Variants in PRPF8 observed in about 807,000 individuals in gnomAD.
PRPF8 encodes pre-mRNA processing factor 8.
Under a neutral mutation model 285.9 loss-of-function variants are expected in PRPF8, and 64 were observed. That is an observed-to-expected ratio of 0.22 (90% CI 0.18 to 0.28). PRPF8 has a LOEUF of 0.28. PRPF8 is among the 10% of genes least tolerant of loss of function. The pLI, the probability that PRPF8 is intolerant of heterozygous loss-of-function variation, is 1.00. For missense variants in PRPF8, 1,426 were observed against 3,026.7 expected, an observed-to-expected ratio of 0.47 and a Z score of 12.41; for synonymous variants, 1,325 against 1,118.2, an observed-to-expected ratio of 1.18 and a Z score of -3.69.
Position 1,651,939 on chromosome 17 carries a change from G to A in PRPF8, c.6370-151C>T, listed in dbSNP as rs557311993. 11 of 1,019,880 alleles carry A rather than the reference G, an allele frequency of 1.1e-5. No individual in the cohort carries two copies. The Admixed American group carries it at 1.1e-4, about 11-fold the overall frequency. 63.2% of individuals were successfully genotyped at this position (1,019,880 alleles called of 1,614,324 possible). ...CCCCTGTATCAGAATCAGCTGGGGT[G>A]CTTGTTCAAAATGTTAGACATGGAC... On this transcript the variant is annotated intron_variant, in intron 39 of 42. Transcript: ENST00000304992. This position sits in a 1 kb window ranked among gnomAD's most constrained non-coding sequence, Gnocchi z 5.1.
At position 1,676,560 on chromosome 17, in the gene PRPF8, C is replaced by T. The variant is rs1306386168; in HGVS notation, c.2333G>A (p.Arg778His). The T allele has an allele frequency of 6.2e-7, 1 of 1,614,018 alleles. No individual in the cohort carries two copies. Among genetic ancestry groups the T allele is most frequent in the Non-Finnish European group, 8.5e-7 (1 of 1,180,036 alleles). ...TGCCTTCAGATAGAGCCGGGTGAGG[C>T]GGCCCAGATTCTTTTTACAAACAGT... Reference protein sequence around the residue: ...DKTVCKKNLGRLTRLYLKAEQ... With the variant: ...DKTVCKKNLGHLTRLYLKAEQ... The change falls in exon 16 of 43, where the codon CGC becomes CAC. Residue 778 changes from arginine to histidine, a missense_variant. Arg to His is a conservative substitution (Grantham distance 29). Around this residue, in one of 34 missense-constraint regions of PRPF8, gnomAD observed 70 missense variants for 273.7 expected, o/e 0.26. Coordinates refer to ENST00000304992, the MANE Select transcript of PRPF8 (RefSeq NM_006445.4). This position sits in a 1 kb window ranked among gnomAD's most constrained non-coding sequence, Gnocchi z 6.3.
chr17:1,684,524 GCCAGGCA>G lies in PRPF8; in HGVS notation c.41_47del (p.Val14AlafsTer3). 4 of 1,612,604 alleles carry G rather than the reference GCCAGGCA, an allele frequency of 2.5e-6. No individual in the cohort carries two copies. On this transcript the variant is annotated frameshift_variant, in exon 2 of 43. Transcript: ENST00000304992. LOFTEE classifies it high-confidence loss of function. Reference sequence around the variant, plus strand: ...TGTAGTCCGGTAGCGGGGCTAGAGGGCCAGGCACCGGGTTACCCGGCCCTCGATAAGG... The same window carrying G: ...TGTAGTCCGGTAGCGGGGCTAGAGGGCCGGGTTACCCGGCCCTCGATAAGG...
intron 6 of PRPF8, 91 bp downstream of exon 6, chr17:1,681,387 A>C: frequency 2.2e-6 from 3 of 1,379,098 alleles, no homozygotes; most frequent in Non-Finnish European, 3.1e-6. Flanking sequence ...GTGTAAACAG[A>C]CTAATTTGGA....
intron 20 of PRPF8, among the ~76,000 whole-genome samples, chr17:1,674,908 A>C (rs1405579791): frequency 6.6e-6 from 1 of 152,036 alleles, no homozygotes; most frequent in East Asian, 1.9e-4. Flanking sequence ...AGTAGCTGGG[A>C]TTACAGGCGC....
Position 1,684,525 on chromosome 17 carries a change from C to A in PRPF8, c.47G>T (p.Gly16Val). The change falls in exon 2 of 43, where the codon GGC becomes GTC. Residue 16 changes from glycine (G) to valine (V), a missense_variant. By Grantham distance (109) the Gly-to-Val change is moderately radical (BLOSUM62 -3). This residue lies in a region of PRPF8 where 72 missense variants were observed against 80.0 expected (regional missense o/e 0.90). Transcript: ENST00000304992. Reference protein sequence around the residue: ...PYRGPGNPVPGPLAPLPDYMS... With the variant: ...PYRGPGNPVPVPLAPLPDYMS... ...GTAGTCCGGTAGCGGGGCTAGAGGGCCAGGCACCGGGTTACCCGGCCCTCG... is the reference window on the plus strand; with the variant it reads ...GTAGTCCGGTAGCGGGGCTAGAGGGACAGGCACCGGGTTACCCGGCCCTCG... 1 of 1,612,612 alleles carries A rather than the reference C, an allele frequency of 6.2e-7. No homozygotes were observed. Among genetic ancestry groups the A allele is most frequent in the Non-Finnish European group, 8.5e-7 (1 of 1,179,852 alleles).
At chr17:1,677,326 C>T in intron 14 of PRPF8, 154 bp from the exon 15 acceptor site, 1 of 975,408 alleles carries the variant, frequency 1.0e-6, no homozygotes, top group Non-Finnish European at 1.6e-6. Context: ...GACGAGCTAC[C>T]TTAAACATTC....
Position 1,676,811 on chromosome 17 carries a change from G to T in PRPF8, c.2182-100C>A. 6.7e-7 allele frequency: 1 copy of T among 1,496,040 alleles called. No individual in the cohort carries two copies. Among genetic ancestry groups the T allele is most frequent in the Non-Finnish European group, 9.2e-7 (1 of 1,082,082 alleles). The allele number at this position is 1,496,040 out of a possible 1,614,324, so 92.7% of individuals were successfully genotyped here. A position where few individuals can be genotyped will look rare whatever the true frequency, so the allele number is the denominator to read the frequency against. ...CAGGAGGCTAAGGAGGATCGCTTGA[G>T]CTCAGGAGCTTGAGGCCAGCCTAAG... is the stretch of plus-strand genomic sequence containing the variant. On this transcript the variant is annotated intron_variant, in intron 15 of 42. Transcript: ENST00000304992. This position sits in a 1 kb window ranked among gnomAD's most constrained non-coding sequence, Gnocchi z 6.3.
intron 24 of PRPF8, among the ~76,000 whole-genome samples, chr17:1,664,071 C>T (rs1457474799): frequency 6.6e-6 from 1 of 152,166 alleles, no homozygotes; most frequent in African/African-American, 2.4e-5. Context: ...TGCTCTGTTG[C>T]CCAGGCTAGA....
rs566013974 is a variant in PRPF8, at chr17:1,678,335, T to C, written c.1854+183A>G. On this transcript the variant is annotated intron_variant, in intron 13 of 42. Transcript: ENST00000304992. ...GTTTCAAAACAAAACAAAAAAAAAA[T>C]TGCCAGGCGTGGTGGCGGGCACCTG... The C allele has an allele frequency of 1.2e-3, 770 of 660,668 alleles. 5 individuals are homozygous for C. The highest frequency in any genetic ancestry group is 0.01 in the Middle Eastern group (25 of 2,404). 40.9% of individuals were successfully genotyped at this position (660,668 alleles called of 1,614,324 possible).
In PRPF8 at chr17:1,680,492, T is replaced by C. The variant is rs146746188; in HGVS notation, c.1098+234A>G. The C allele has an allele frequency of 1.4e-3, 868 of 602,772 alleles. 5 individuals are homozygous for C. Among genetic ancestry groups the C allele is most frequent in the African/African-American group, 0.013 (726 of 54,118 alleles). The allele number at this position is 602,772 out of a possible 1,614,324, so 37.3% of individuals were successfully genotyped here. A position where few individuals can be genotyped will look rare whatever the true frequency, so the allele number is the denominator to read the frequency against. ...TAGAGACAGACCGGGACAGATTATC[T>C]AGAGCACCCAAGAAAAGAACCGTAA... On this transcript the variant is annotated intron_variant, in intron 8 of 42. Coordinates refer to ENST00000304992, the MANE Select transcript of PRPF8 (RefSeq NM_006445.4).
In PRPF8 at chr17:1,671,066, A is replaced by G. The variant is rs570900882; in HGVS notation, c.3774+2015T>C. On this transcript the variant is annotated intron_variant, in intron 24 of 42. Transcript: ENST00000304992. ...ACTATTTATCCAGCCTCATCTCTTA[A>G]CATTCCCAATTCCACAATTTACTCC... is the stretch of plus-strand genomic sequence containing the variant. Among the ~76,000 whole-genome samples the G allele has an allele frequency of 6.6e-5, 10 of 152,298 alleles. No individual in the cohort carries two copies. In the South Asian group the frequency reaches 1.5e-3, roughly 22 times the overall value.
chr17:1,650,822 G>C lies in PRPF8; in HGVS notation c.6988C>G (p.Arg2330Gly). The change falls in exon 43 of 43, where the codon CGG (arginine) becomes GGG (glycine). Residue 2330 changes from arginine to glycine, a missense_variant. Arg to Gly is a moderately radical substitution (Grantham distance 125). Around this residue, in one of 34 missense-constraint regions of PRPF8, gnomAD observed 59 missense variants for 58.6 expected, o/e 1.01. Coordinates refer to ENST00000304992, the MANE Select transcript of PRPF8 (RefSeq NM_006445.4). Reference sequence around the variant, plus strand: ...AACGGTCAGGCATACAGGTCCTCCCGATCCGCAGAGTAAACCTCCCCCTCC... The same window carrying C: ...AACGGTCAGGCATACAGGTCCTCCCCATCCGCAGAGTAAACCTCCCCCTCC... ...LQEGEVYSAD[R>G]EDLYA The C allele has an allele frequency of 6.2e-7, 1 of 1,614,080 alleles. No homozygotes were observed. Among genetic ancestry groups the C allele is most frequent in the Non-Finnish European group, 8.5e-7 (1 of 1,180,018 alleles).
At position 1,651,729 on chromosome 17, in the gene PRPF8, G is replaced by A. The variant is rs1911083597; in HGVS notation, c.6429C>T (p.Arg2143=). Reference sequence around the variant, plus strand: ...CCCACTGCGGCACCATCACAATGCAGCGGATCTCCTTCACCTGGGGGTTAT... The same window carrying A: ...CCCACTGCGGCACCATCACAATGCAACGGATCTCCTTCACCTGGGGGTTAT... ...PPDNPQVKEI[R]CIVMVPQWGT... is the part of the protein sequence containing the mutation. Residue 2143 remains arginine, a synonymous_variant, in exon 40 of 43, where the codon CGC becomes CGT. Coordinates refer to ENST00000304992, the MANE Select transcript of PRPF8 (RefSeq NM_006445.4). The surrounding 1 kb of genome is among the most constrained non-coding windows in gnomAD (Gnocchi z 5.1). 6.2e-7 allele frequency: 1 copy of A among 1,614,060 alleles called. No individual in the cohort carries two copies. Among genetic ancestry groups the A allele is most frequent in the Non-Finnish European group, 8.5e-7 (1 of 1,180,048 alleles).
rs749657901 is a variant in PRPF8, at chr17:1,673,324, T to C, written c.3657+33A>G. On this transcript the variant is annotated intron_variant, in intron 23 of 42. Coordinates refer to ENST00000304992, the MANE Select transcript of PRPF8 (RefSeq NM_006445.4). The surrounding 1 kb of genome is among the most constrained non-coding windows in gnomAD (Gnocchi z 5.5). ...GACTGACCCAGGAAGTGCAGGCGCG[T>C]TCATGTCACTCCCAGCCCCGCCCAG... The C allele has an allele frequency of 1.9e-6, 3 of 1,612,470 alleles. No homozygotes were observed. In the African/African-American group the frequency reaches 4.0e-5, roughly 22 times the overall value.
In PRPF8 at chr17:1,672,904, G is replaced by A. The variant is rs1912403447; in HGVS notation, c.3774+177C>T. ...ACACAATTTCTACAAGGAACGCTCAGAAAATAACGATGAAGTGACCTGACA... is the reference window on the plus strand; with the variant it reads ...ACACAATTTCTACAAGGAACGCTCAAAAAATAACGATGAAGTGACCTGACA... On this transcript the variant is annotated intron_variant, in intron 24 of 42. Coordinates refer to ENST00000304992, the MANE Select transcript of PRPF8 (RefSeq NM_006445.4). 8 of 677,234 alleles carry A rather than the reference G, an allele frequency of 1.2e-5. No homozygotes were observed. In the South Asian group the frequency reaches 1.3e-4, roughly 11 times the overall value. The allele number at this position is 677,234 out of a possible 1,614,324, so 42.0% of individuals were successfully genotyped here.
At position 1,673,800 on chromosome 17, in the gene PRPF8, T is replaced by C; in HGVS notation, c.3392A>G (p.Lys1131Arg). ...NNENIVGYNN[K>R]KCWPRDARMR... ...GCGGGCATCTCGGGGCCAGCACTTC[T>C]TGTTATTATAGCCAACGATGTTTTC... The change falls in exon 22 of 43, where the codon AAG becomes AGG. Residue 1131 changes from lysine to arginine, a missense_variant. Physicochemically the swap from Lys to Arg is conservative, Grantham distance 26. Transcript: ENST00000304992. This position sits in a 1 kb window ranked among gnomAD's most constrained non-coding sequence, Gnocchi z 5.5. 6.2e-7 allele frequency: 1 copy of C among 1,614,180 alleles called. No individual in the cohort carries two copies. Among genetic ancestry groups the C allele is most frequent in the Non-Finnish European group, 8.5e-7 (1 of 1,180,038 alleles).
intron 34 of PRPF8, among the ~76,000 whole-genome samples, chr17:1,657,839 C>G (rs1358685919): frequency 6.7e-6 from 1 of 150,368 alleles, no homozygotes; most frequent in Admixed American, 6.7e-5. Flanking sequence ...GGCGTGGTGG[C>G]GGGCGCCTGT....
In PRPF8 at chr17:1,676,143, C is replaced by CT; in HGVS notation, c.2552+63dup. 5.0e-6 allele frequency: 8 copies of CT among 1,612,180 alleles called. No homozygotes were observed. The highest frequency in any genetic ancestry group is 6.8e-6 in the Non-Finnish European group (8 of 1,179,892). ...GGGCTACACCTTCTTTCTTTGGACT[C>CT]TGAGGATGACGCCATTCCCTGCTGT... On this transcript the variant is annotated intron_variant, in intron 17 of 42. Coordinates refer to ENST00000304992, the MANE Select transcript of PRPF8 (RefSeq NM_006445.4). This position sits in a 1 kb window ranked among gnomAD's most constrained non-coding sequence, Gnocchi z 6.3.
In PRPF8 at chr17:1,679,691, C is replaced by T; in HGVS notation, c.1207G>A (p.Ala403Thr). 1 of 1,614,152 alleles carries T rather than the reference C, an allele frequency of 6.2e-7. No individual in the cohort carries two copies. Residue 403 changes from alanine to threonine, a missense_variant, in exon 9 of 43, where the codon GCC becomes ACC. Around this residue, in one of 34 missense-constraint regions of PRPF8, gnomAD observed 137 missense variants for 161.2 expected, o/e 0.85. Coordinates refer to ENST00000304992, the MANE Select transcript of PRPF8 (RefSeq NM_006445.4). The surrounding 1 kb of genome is among the most constrained non-coding windows in gnomAD (Gnocchi z 4.7). ...AAGGGCCGCGGGGCCCAGAGCAGGG[C>T]AATGCCATTGGCTGTATTGTCTGTA... Reference protein sequence around the residue: ...LYTDNTANGIALLWAPRPFNL... With the variant: ...LYTDNTANGITLLWAPRPFNL...
Sources: allele counts gnomAD v4.1 joint callset (sites outside exome capture counted in the v4.1 genomes callset), GRCh38; gene constraint gnomAD v4.1.1; regional missense constraint gnomAD v4.1.1; non-coding constraint Gnocchi (gnomAD v3.1); transcripts MANE v1.5; gene names NCBI Gene and HGNC (gene_info 2026-07-23, HGNC 2026-07-21).